Variants in PCDHGA3 observed in about 807,000 individuals in gnomAD.
PCDHGA3 encodes protocadherin gamma subfamily A, 3, also known as protocadherin gamma-A3.
PCDHGA3 carries 40 observed loss-of-function variants against 58.5 expected under a neutral mutation model. The observed-to-expected ratio is 0.68, with a 90% CI of 0.53 to 0.89. PCDHGA3 has a LOEUF of 0.89. PCDHGA3 is among the 40% of genes least tolerant of loss of function. The pLI is 0.00. For missense variants in PCDHGA3, 1,223 were observed against 1,195.9 expected (o/e 1.02, Z -0.33); for synonymous variants, 530 against 525.7 (o/e 1.01, Z -0.11).
At chr5:141,400,264 C>G (rs1184804812) in intron 1 of PCDHGA3, 2 of 1,614,058 alleles carry the variant, frequency 1.2e-6, no homozygotes. Context: ...GCGCCTGCGA[C>G]GCTCCTCCAG....
Position 141,489,276 on chromosome 5 carries a change from A to G in PCDHGA3, c.2425-5531A>G. 6.4e-7 allele frequency: 1 copy of G among 1,556,122 alleles called. No homozygotes were observed. Among genetic ancestry groups the G allele is most frequent in the Non-Finnish European group, 8.7e-7 (1 of 1,151,562 alleles). On this transcript the variant is annotated intron_variant, in intron 1 of 3. Coordinates refer to ENST00000253812, the MANE Select transcript of PCDHGA3 (RefSeq NM_018916.4). The surrounding 1 kb of genome is among the most constrained non-coding windows in gnomAD (Gnocchi z 4.5). ...AGACACTCCCACAGCTCGCTGGGAA[A>G]TGGCAAGTGCTGTGCATGTTGTCCT...
intron 1 of PCDHGA3, among the ~76,000 whole-genome samples, chr5:141,488,350 C>G (rs1191478919): frequency 6.6e-6 from 1 of 152,176 alleles, no homozygotes; most frequent in Non-Finnish European, 1.5e-5. Context: ...GAAACAGCCA[C>G]CCTGTGCATC....
At chr5:141,355,349 A>T (rs534261115) in intron 1 of PCDHGA3, 2 of 1,614,032 alleles carry the variant, frequency 1.2e-6, no homozygotes, top group South Asian at 2.2e-5. Flanking sequence ...AACATCGCCA[A>T]GGACCTGGGG....
At chr5:141,403,102 G>T (rs765706858) in intron 1 of PCDHGA3, 1 of 1,614,046 alleles carries the variant, frequency 6.2e-7, no homozygotes, top group Admixed American at 1.7e-5. Context: ...ACATCTCCAA[G>T]GACCTGGCTC....
chr5:141,345,007 C>G lies in PCDHGA3; in HGVS notation c.974C>G (p.Pro325Arg), dbSNP rs1386175019. 10 of 1,613,688 alleles carry G rather than the reference C, an allele frequency of 6.2e-6. No individual in the cohort carries two copies. Among genetic ancestry groups the G allele is most frequent in the East Asian group, 4.5e-5 (2 of 44,892 alleles). Residue 325 changes from proline to arginine, a missense_variant, in exon 1 of 4, where the codon CCA becomes CGA. By Grantham distance (103) the Pro-to-Arg change is moderately radical. This residue lies in a region of PCDHGA3 where 791 missense variants were observed against 708.5 expected (regional missense o/e 1.12). Transcript: ENST00000253812. ...YEIKIEAQDGPGLLSRAKILV... is the reference protein window; with the variant it reads ...YEIKIEAQDGRGLLSRAKILV... The stretch of plus-strand genomic sequence containing the variant: ...ATTAAAATTGAAGCACAGGATGGAC[C>G]AGGTCTTCTTTCAAGAGCCAAGATT...
rs116140192 is a variant in PCDHGA3, at chr5:141,497,400, A to C, written c.2483+2535A>C. Among the ~76,000 whole-genome samples, 87 of 152,110 alleles carry C rather than the reference A, an allele frequency of 5.7e-4. 1 individual carries two copies. Among genetic ancestry groups the C allele is most frequent in the African/African-American group, 2.0e-3 (82 of 41,484 alleles). ...GGGGTGAGCACCTTACCCCTGCCTCAACTCCCATTCCATCAAATGAGAGGC... is the reference window on the plus strand; with the variant it reads ...GGGGTGAGCACCTTACCCCTGCCTCCACTCCCATTCCATCAAATGAGAGGC... On this transcript the variant is annotated intron_variant, in intron 2 of 3. Coordinates refer to ENST00000253812, the MANE Select transcript of PCDHGA3 (RefSeq NM_018916.4).
At position 141,491,502 on chromosome 5, in the gene PCDHGA3, C is replaced by G. The variant is rs751961360; in HGVS notation, c.2425-3305C>G. 1.4e-5 allele frequency: 23 copies of G among 1,614,080 alleles called. No homozygotes were observed. Among genetic ancestry groups the G allele is most frequent in the Non-Finnish European group, 1.8e-5 (21 of 1,180,006 alleles). ...GCCCCAACCTGCAGGTGAGCTCGGA[C>G]GGCACGCTCAAGTACATGGAGGTGA... On this transcript the variant is annotated intron_variant, in intron 1 of 3. Coordinates refer to ENST00000253812, the MANE Select transcript of PCDHGA3 (RefSeq NM_018916.4). This position sits in a 1 kb window ranked among gnomAD's most constrained non-coding sequence, Gnocchi z 6.9.
intron 1 of PCDHGA3, among the ~76,000 whole-genome samples, chr5:141,451,001 A>AT (rs1164946963): frequency 2.0e-5 from 3 of 148,376 alleles, no homozygotes; most frequent in South Asian, 2.1e-4. Context: ...ATTTTTTTGT[A>AT]TTTTTTTTAG....
At chr5:141,364,538 G>A in intron 1 of PCDHGA3, 1 of 1,614,118 alleles carries the variant, frequency 6.2e-7, no homozygotes, top group South Asian at 1.1e-5. Flanking sequence ...CGTCTCCAGA[G>A]GTAGGACGCA....
In PCDHGA3 at chr5:141,489,091, T is replaced by TCAG. The variant is rs2099682519; in HGVS notation, c.2425-5716_2425-5715insCAG. On this transcript the variant is annotated intron_variant, in intron 1 of 3. Transcript: ENST00000253812. This position sits in a 1 kb window ranked among gnomAD's most constrained non-coding sequence, Gnocchi z 4.5. ...CTGCCCACCCCCGCCACTCGGTGACTAAGAACTGCTGCAAGCAGGCAAACC... is the reference window on the plus strand; with the variant it reads ...CTGCCCACCCCCGCCACTCGGTGACTCAGAAGAACTGCTGCAAGCAGGCAAACC... The TCAG allele has an allele frequency of 3.0e-6, 1 of 333,056 alleles. No individual in the cohort carries two copies. Among genetic ancestry groups the TCAG allele is most frequent in the Non-Finnish European group, 5.5e-6 (1 of 181,380 alleles). 20.6% of individuals were successfully genotyped at this position (333,056 alleles called of 1,614,324 possible). A position where few individuals can be genotyped will look rare whatever the true frequency, so the allele number is the denominator to read the frequency against.
chr5:141,428,057 G>T, intron 1 of PCDHGA3: 1 of 1,609,044 alleles, frequency 6.2e-7, no homozygotes, highest in Non-Finnish European at 8.5e-7. Flanking sequence ...AGGTGGTGGC[G>T]GTGGACGCAG....
At chr5:141,419,261 G>C (rs758952830) in intron 1 of PCDHGA3, 16 of 1,613,982 alleles carry the variant, frequency 9.9e-6, no homozygotes, top group Non-Finnish European at 1.3e-5. Context: ...CAACCAGCCG[G>C]GTGCCTCCAT....
At chr5:141,482,530 C>CAAAAAAAAAAAAAAA (rs3074545) in intron 1 of PCDHGA3, among the ~76,000 whole-genome samples, 1 of 76,562 alleles carries the variant, frequency 1.3e-5, no homozygotes, top group African/African-American at 4.8e-5. Flanking sequence ...GACAGACATG[C>CAAAAAAAAAAAAAAA]AAAAAAAAAA....
chr5:141,366,091 G>A (rs756134424), intron 1 of PCDHGA3: 3 of 1,614,130 alleles, frequency 1.9e-6, no homozygotes, highest in Non-Finnish European at 2.5e-6. Flanking sequence ...CTGGCTACCT[G>A]GTGACCAAGG....
intron 1 of PCDHGA3, chr5:141,433,239 G>A: frequency 1.3e-6 from 2 of 1,494,126 alleles, no homozygotes; most frequent in Non-Finnish European, 1.8e-6. Context: ...TGTCTCCCAA[G>A]CTGGAATGCA....
chr5:141,354,945 A>T, intron 1 of PCDHGA3: 1 of 425,942 alleles, frequency 2.3e-6, no homozygotes, highest in East Asian at 3.5e-5. Flanking sequence ...ACCAAGAATA[A>T]ATTGCAGTAA....
intron 1 of PCDHGA3, chr5:141,389,855 G>T: frequency 6.2e-7 from 1 of 1,614,060 alleles, no homozygotes; most frequent in Non-Finnish European, 8.5e-7. Context: ...CCACTGCCAC[G>T]TTGCACCTGG....
At chr5:141,376,331 C>T (rs757952080) in intron 1 of PCDHGA3, 2 of 1,614,078 alleles carry the variant, frequency 1.2e-6, no homozygotes, top group East Asian at 2.2e-5. Context: ...TCGGGCTTTC[C>T]TGCAGACCTA....
chr5:141,505,546 C>T (rs555460173), intron 3 of PCDHGA3, 65 bp downstream of exon 3: 36 of 1,608,242 alleles, frequency 2.2e-5, no homozygotes, highest in South Asian at 7.7e-5. Context: ...CATCTCACAG[C>T]CACCATGCCC....
Sources: allele counts gnomAD v4.1 joint callset (sites outside exome capture counted in the v4.1 genomes callset), GRCh38; gene constraint gnomAD v4.1.1; regional missense constraint gnomAD v4.1.1; non-coding constraint Gnocchi (gnomAD v3.1); transcripts MANE v1.5; gene names NCBI Gene and HGNC (gene_info 2026-07-23, HGNC 2026-07-21).